NT5M: variants seen among roughly 807,000 people sequenced by gnomAD.
NT5M encodes the protein 5'(3')-deoxyribonucleotidase, mitochondrial.
A neutral mutation model predicts 22.2 loss-of-function variants in NT5M; 22 were observed. The ratio of observed to expected loss-of-function variants is 0.99; its 90% CI spans 0.71 to 1.41. NT5M has a LOEUF of 1.41. Among genes scored for constraint, NT5M ranks in the 40% most tolerant of loss-of-function variants. The pLI, the probability that NT5M is intolerant of heterozygous loss-of-function variation, is 0.00. For missense variants in NT5M, 322 were observed against 314.8 expected, an observed-to-expected ratio of 1.02 and a Z score of -0.17; for synonymous variants, 167 against 133.0, an observed-to-expected ratio of 1.26 and a Z score of -1.76.
chr17:17,304,004 T>C (rs978075648), intron 1 of NT5M, 187 bp downstream of exon 1: 3 of 1,237,970 alleles, frequency 2.4e-6, no homozygotes, highest in Non-Finnish European at 3.0e-6. Context: ...TCAGGATCTG[T>C]TGGCTGCCAT....
intron 3 of NT5M, among the ~76,000 whole-genome samples, chr17:17,325,199 C>G: frequency 6.6e-6 from 1 of 152,160 alleles, no homozygotes. Context: ...TGGTGGTTGA[C>G]CAGCAGTTGT....
chr17:17,344,952 A>G, intron 4 of NT5M, 44 bp downstream of exon 4: 1 of 1,612,238 alleles, frequency 6.2e-7, no homozygotes, highest in Non-Finnish European at 8.5e-7. Context: ...GGAGGGCCCC[A>G]GCCTTGGCCC....
At chr17:17,306,466 C>A in intron 1 of NT5M, 77 bp from the exon 2 acceptor site, 1 of 963,872 alleles carries the variant, frequency 1.0e-6, no homozygotes, top group Non-Finnish European at 1.7e-6. Flanking sequence ...CCCCCTATAG[C>A]CTGGCCATAC....
At chr17:17,320,138 A>G (rs1161010517) in intron 2 of NT5M, among the ~76,000 whole-genome samples, 1 of 152,218 alleles carries the variant, frequency 6.6e-6, no homozygotes, top group Non-Finnish European at 1.5e-5. Context: ...CACCACGCCC[A>G]GCCTCCCACG....
intron 1 of NT5M, 167 bp downstream of exon 1, chr17:17,303,984 G>C: frequency 8.0e-7 from 1 of 1,246,278 alleles, no homozygotes; most frequent in Non-Finnish European, 1.0e-6. Context: ...GGGAAGATGC[G>C]GCCCCGCGCT....
chr17:17,344,152 G>A (rs1597805399), intron 3 of NT5M, among the ~76,000 whole-genome samples: 1 of 152,106 alleles, frequency 6.6e-6, no homozygotes, highest in African/African-American at 2.4e-5. Context: ...GCTATCCATC[G>A]GCCCAGACAC....
chr17:17,338,445 G>A (rs867540962), intron 3 of NT5M, among the ~76,000 whole-genome samples: 1 of 151,864 alleles, frequency 6.6e-6, no homozygotes, highest in African/African-American at 2.4e-5. Flanking sequence ...CGCCCGCCTC[G>A]GCCTCCCAAA....
intron 3 of NT5M, among the ~76,000 whole-genome samples, chr17:17,341,807 G>T (rs557511196): frequency 2.0e-4 from 31 of 152,264 alleles, no homozygotes; most frequent in South Asian, 1.9e-3. Flanking sequence ...ACGGTGGGCG[G>T]ATCACAAGGT....
Position 17,312,531 on chromosome 17 carries a change from C to A in NT5M, c.368+5888C>A, listed in dbSNP as rs1474123055. On this transcript the variant is annotated intron_variant, in intron 2 of 4. Coordinates refer to ENST00000389022, the MANE Select transcript of NT5M (RefSeq NM_020201.4). Reference sequence around the variant, plus strand: ...TGGTGGTGCATGCCTGTAATCCCAGCTACTCGGGAGGCTGAGGCAGGAGAA... The same window carrying A: ...TGGTGGTGCATGCCTGTAATCCCAGATACTCGGGAGGCTGAGGCAGGAGAA... 2.0e-5 allele frequency among the ~76,000 whole-genome samples: 3 copies of A among 151,518 alleles called. No homozygotes were observed. The East Asian group carries it at 5.8e-4, about 29-fold the overall frequency.
chr17:17,331,994 A>G (rs568180342), intron 3 of NT5M, among the ~76,000 whole-genome samples: 97 of 148,666 alleles, frequency 6.5e-4, no homozygotes, highest in African/African-American at 2.4e-3. Context: ...GTTGGCCAGG[A>G]TGGTCTTGAT....
rs2049239592 is a variant in NT5M, at chr17:17,325,164, CA to C, written c.429+1920del. 2.0e-5 allele frequency among the ~76,000 whole-genome samples: 3 copies of C among 152,190 alleles called. No homozygotes were observed. The South Asian group carries it at 6.2e-4, about 32-fold the overall frequency. Reference sequence around the variant, plus strand: ...GATTGCGGGACTGGAGTCACTATTTCAGCTGGAGTTTCACTGGGTGGCCATG... The same window carrying C: ...GATTGCGGGACTGGAGTCACTATTTCGCTGGAGTTTCACTGGGTGGCCATG... On this transcript the variant is annotated intron_variant, in intron 3 of 4. Transcript: ENST00000389022.
chr17:17,309,340 G>T (rs1015256858), intron 2 of NT5M, among the ~76,000 whole-genome samples: 2 of 152,034 alleles, frequency 1.3e-5, no homozygotes, highest in Non-Finnish European at 2.9e-5. Context: ...GTCTAGGCTG[G>T]TCTCAAACTC....
chr17:17,314,188 C>T (rs1017435288), intron 2 of NT5M, among the ~76,000 whole-genome samples: 6 of 152,052 alleles, frequency 3.9e-5, no homozygotes, highest in African/African-American at 1.4e-4. Context: ...CGCCCGCCAC[C>T]ACGCCCGGCT....
At chr17:17,308,060 A>G (rs2048845751) in intron 2 of NT5M, among the ~76,000 whole-genome samples, 1 of 152,152 alleles carries the variant, frequency 6.6e-6, no homozygotes, top group South Asian at 2.1e-4. Flanking sequence ...CAAAAAAAGA[A>G]TCACAAAGTG....
intron 2 of NT5M, among the ~76,000 whole-genome samples, chr17:17,314,364 C>T (rs2048980359): frequency 6.6e-6 from 1 of 152,074 alleles, no homozygotes; most frequent in African/African-American, 2.4e-5. Context: ...ACTCCAATAG[C>T]ATGAGCGTGT....
intron 2 of NT5M, among the ~76,000 whole-genome samples, chr17:17,320,638 G>A (rs939566890): frequency 1.3e-5 from 2 of 152,158 alleles, no homozygotes; most frequent in Non-Finnish European, 2.9e-5. Context: ...CGTCCAGGTG[G>A]GTGGAAACTT....
chr17:17,326,915 T>A (rs912154830), intron 3 of NT5M, among the ~76,000 whole-genome samples: 1 of 152,164 alleles, frequency 6.6e-6, no homozygotes, highest in African/African-American at 2.4e-5. Flanking sequence ...CTAGTTTTTT[T>A]GTGGGGGAGT....
intron 3 of NT5M, among the ~76,000 whole-genome samples, chr17:17,336,863 A>G (rs767795978): frequency 2.6e-5 from 4 of 152,046 alleles, no homozygotes; most frequent in Non-Finnish European, 5.9e-5. Flanking sequence ...TTGATTGTGT[A>G]TATTTACCAC....
intron 2 of NT5M, among the ~76,000 whole-genome samples, chr17:17,318,267 A>G (rs971412763): frequency 1.1e-4 from 17 of 150,244 alleles, no homozygotes; most frequent in Non-Finnish European, 2.4e-4. Context: ...GCCTGAGCTC[A>G]GGAGTTTGAA....
Sources: gnomAD v4.1 joint callset for allele counts (sites outside exome capture counted in the v4.1 genomes callset) on GRCh38, gnomAD v4.1.1 for gene constraint, MANE v1.5 for transcripts, NCBI Gene and HGNC (gene_info 2026-07-23, HGNC 2026-07-21) for gene names.